The following DNAH14 variants were observed in gnomAD, a reference collection of about 807,000 sequenced individuals.
DNAH14 encodes axonemal beta dynein heavy chain 14.
In DNAH14, 478 loss-of-function variants were observed where a neutral mutation model predicts 520.9. That is an observed-to-expected ratio of 0.92 (90% CI 0.85 to 0.99). The LOEUF (loss-of-function observed/expected upper bound fraction) is 0.99, where lower values mean the gene tolerates loss of function less well. Ranked by LOEUF, DNAH14 falls within the 50% of genes least tolerant of loss-of-function variation. The pLI is 0.00. For missense variants in DNAH14, 4,831 were observed against 5,234.5 expected (o/e 0.92, Z 2.38); for synonymous variants, 1,581 against 1,757.2 (o/e 0.90, Z 2.51).
intron 41 of DNAH14, among the ~76,000 whole-genome samples, chr1:225,212,921 C>T (rs1399726724): frequency 1.3e-5 from 2 of 152,138 alleles, no homozygotes; most frequent in East Asian, 3.9e-4. Context: ...AATTAGATCC[C>T]ATTTGTCAAT....
chr1:225,346,701 T>A (rs1334426955), intron 71 of DNAH14, 47 bp downstream of exon 71: 1 of 1,431,746 alleles, frequency 7.0e-7, no homozygotes, highest in Non-Finnish European at 9.4e-7. Flanking sequence ...CCATTAAAAG[T>A]GTGTTTCCTT....
intron 8 of DNAH14, among the ~76,000 whole-genome samples, chr1:224,978,574 C>T (rs749468735): frequency 2.6e-5 from 4 of 152,092 alleles, no homozygotes; most frequent in Non-Finnish European, 5.9e-5. Context: ...TTGTAGTGTT[C>T]TATAGCTTTG....
chr1:224,992,735 A>G (rs914287167), intron 8 of DNAH14, among the ~76,000 whole-genome samples: 1 of 152,016 alleles, frequency 6.6e-6, no homozygotes, highest in Non-Finnish European at 1.5e-5. Flanking sequence ...GACTTCTACT[A>G]CTATGTTGAA....
chr1:225,040,627 T>C (rs1386249279), intron 12 of DNAH14, among the ~76,000 whole-genome samples: 1 of 152,210 alleles, frequency 6.6e-6, no homozygotes, highest in Non-Finnish European at 1.5e-5. Context: ...CTGGGTTATT[T>C]TCAGTTTTTG....
rs142236555 is a variant in DNAH14, at chr1:225,169,871, A to C, written c.5535+1843A>C. Among the ~76,000 whole-genome samples, 1,088 of 152,312 alleles carry C rather than the reference A, an allele frequency of 7.1e-3. 9 individuals carry two copies. Among genetic ancestry groups the C allele is most frequent in the African/African-American group, 0.025 (1,019 of 41,562 alleles). On this transcript the variant is annotated intron_variant, in intron 36 of 85. Coordinates refer to ENST00000682510, the MANE Select transcript of DNAH14 (RefSeq NM_001367479.1). ...AAAATGTTAAGGGCAGCCAGAGAGAAAGGTCGGGTTACCCACAAAGGGAAG... is the reference window on the plus strand; with the variant it reads ...AAAATGTTAAGGGCAGCCAGAGAGACAGGTCGGGTTACCCACAAAGGGAAG...
In DNAH14 at chr1:225,231,143, A is replaced by G. The variant is rs2091066946; in HGVS notation, c.6510A>G (p.Ile2170Met). 1.3e-6 allele frequency: 2 copies of G among 1,542,308 alleles called. No homozygotes were observed. Among genetic ancestry groups the G allele is most frequent in the Admixed American group, 2.0e-5 (1 of 49,450 alleles). ...SQRESVTFKD[I>M]EKRDENTWYP... Reference sequence around the variant, plus strand: ...GAGAGTCTGTCACATTCAAGGATATAGAAAAGAGGTCAGTTACATTCCTTC... The same window carrying G: ...GAGAGTCTGTCACATTCAAGGATATGGAAAAGAGGTCAGTTACATTCCTTC... The change falls in exon 42 of 86, where the codon ATA (isoleucine) becomes ATG (methionine). Residue 2170 changes from isoleucine to methionine, a missense_variant. By Grantham distance (10) the Ile-to-Met change is conservative. Transcript: ENST00000682510.
intron 72 of DNAH14, 120 bp from the exon 73 acceptor site, chr1:225,353,683 G>T (rs1339213500): frequency 3.1e-6 from 2 of 639,418 alleles, no homozygotes; most frequent in Non-Finnish European, 5.6e-6. Flanking sequence ...TTAAAAGTCA[G>T]CCATGTTTAG....
At chr1:225,170,292 G>A (rs1209638107) in intron 36 of DNAH14, among the ~76,000 whole-genome samples, 4 of 152,140 alleles carry the variant, frequency 2.6e-5, no homozygotes, top group Non-Finnish European at 5.9e-5. Context: ...ATGTAAATGG[G>A]CTGAATGCTC....
In DNAH14 at chr1:225,335,453, A is replaced by G. The variant is rs573815069; in HGVS notation, c.10081-1813A>G. Among the ~76,000 whole-genome samples, 13 of 116,450 alleles carry G rather than the reference A, an allele frequency of 1.1e-4. 3 individuals carry two copies. The East Asian group carries it at 2.5e-3, about 23-fold the overall frequency. 76.4% of individuals were successfully genotyped at this position (116,450 alleles called of 152,430 possible). A position where few individuals can be genotyped will look rare whatever the true frequency, so the allele number is the denominator to read the frequency against. ...TGTGTACATGTGTGTGTATGCACAT[A>G]TGCACGTGTGTACATGTGTGTGTAT... On this transcript the variant is annotated intron_variant, in intron 66 of 85. Coordinates refer to ENST00000682510, the MANE Select transcript of DNAH14 (RefSeq NM_001367479.1).
At chr1:225,209,062 T>A (rs2087984303) in intron 41 of DNAH14, among the ~76,000 whole-genome samples, 1 of 152,198 alleles carries the variant, frequency 6.6e-6, no homozygotes, top group Admixed American at 6.5e-5. Context: ...TGACTGATAA[T>A]TTCAACATCT....
intron 35 of DNAH14, among the ~76,000 whole-genome samples, chr1:225,162,751 G>A (rs1425331071): frequency 1.3e-5 from 2 of 152,046 alleles, no homozygotes; most frequent in Non-Finnish European, 2.9e-5. Context: ...CACTTCTTGA[G>A]TTAATTCCTA....
At position 225,092,783 on chromosome 1, in the gene DNAH14, A is replaced by C. The variant is rs187455393; in HGVS notation, c.3574-4335A>C. On this transcript the variant is annotated intron_variant, in intron 21 of 85. Transcript: ENST00000682510. ...GATACATAGACTTCTAGCTACAATC[A>C]TAAGAAAAAAAAATAGAGAAGATCC... is the stretch of plus-strand genomic sequence containing the variant. Among the ~76,000 whole-genome samples the C allele has an allele frequency of 4.0e-5, 6 of 151,262 alleles. No homozygotes were observed. In the East Asian group the frequency reaches 1.2e-3, roughly 29 times the overall value.
Position 225,007,445 on chromosome 1 carries a change from A to G in DNAH14, c.1008A>G (p.Glu336=). The change falls in exon 10 of 86, where the codon GAA becomes GAG. Residue 336 remains glutamate (E), a synonymous_variant. Transcript: ENST00000682510. ...GTTCTCGAACATATTCTCTAGATGA[A>G]TTTTGTGAAGAGCAGTTACAGCAAG... is the stretch of plus-strand genomic sequence containing the variant. ...LDSSRTYSLD[E]FCEEQLQQAT... The G allele has an allele frequency of 2.6e-6, 4 of 1,539,790 alleles. No individual in the cohort carries two copies. The highest frequency in any genetic ancestry group is 3.5e-6 in the Non-Finnish European group (4 of 1,140,268).
Position 225,380,309 on chromosome 1 carries a change from T to TA in DNAH14, c.12872dup (p.Asn4291LysfsTer22). 6.4e-7 allele frequency: 1 copy of TA among 1,551,314 alleles called. No homozygotes were observed. The highest frequency in any genetic ancestry group is 8.7e-7 in the Non-Finnish European group (1 of 1,146,822). ...CAAGCTCCATTTGGGAGTCTCTTTC[T>TA]AAAAATCTCAAAGGTGAGCATGGGA... On this transcript the variant is annotated frameshift_variant, in exon 80 of 86. Coordinates refer to ENST00000682510, the MANE Select transcript of DNAH14 (RefSeq NM_001367479.1). LOFTEE classifies it high-confidence loss of function.
intron 31 of DNAH14, among the ~76,000 whole-genome samples, chr1:225,148,736 A>G (rs944139154): frequency 6.6e-6 from 1 of 151,974 alleles, no homozygotes; most frequent in Admixed American, 6.6e-5. Flanking sequence ...GCCTGCATAT[A>G]TGTCTTCTTT....
intron 71 of DNAH14, among the ~76,000 whole-genome samples, chr1:225,349,000 G>C (rs780404162): frequency 6.6e-6 from 1 of 151,992 alleles, no homozygotes; most frequent in Admixed American, 6.6e-5. Flanking sequence ...TTGAGACATA[G>C]TCTCACTGTC....
chr1:225,054,155 C>T (rs768909441), intron 17 of DNAH14, among the ~76,000 whole-genome samples: 2 of 152,114 alleles, frequency 1.3e-5, no homozygotes, highest in Non-Finnish European at 2.9e-5. Context: ...TACTATACCC[C>T]TGGAGGGGTC....
chr1:225,067,721 T>C lies in DNAH14; in HGVS notation c.2425-11486T>C, dbSNP rs184109220. Among the ~76,000 whole-genome samples, 14 of 152,306 alleles carry C rather than the reference T, an allele frequency of 9.2e-5. No individual in the cohort carries two copies. In the East Asian group the frequency reaches 2.7e-3, roughly 29 times the overall value. On this transcript the variant is annotated intron_variant, in intron 17 of 85. Transcript: ENST00000682510. Reference sequence around the variant, plus strand: ...TTTGCATTTCTCTAATGATCAGTGATGTTGAGCTTTTTTTTCATGTGATTG... The same window carrying C: ...TTTGCATTTCTCTAATGATCAGTGACGTTGAGCTTTTTTTTCATGTGATTG...
chr1:224,974,467 A>C (rs995255333), intron 8 of DNAH14, among the ~76,000 whole-genome samples: 2 of 152,166 alleles, frequency 1.3e-5, no homozygotes, highest in Admixed American at 1.3e-4. Context: ...TTTTGTTAGG[A>C]TCTCCATCAG....
Sources: allele counts gnomAD v4.1 joint callset (sites outside exome capture counted in the v4.1 genomes callset), GRCh38; gene constraint gnomAD v4.1.1; transcripts MANE v1.5; gene names NCBI Gene and HGNC (gene_info 2026-07-23, HGNC 2026-07-21).